Variants in ATG7 observed in about 807,000 individuals in gnomAD.
ATG7 encodes the protein ubiquitin-like modifier-activating enzyme ATG7.
In ATG7, 70 loss-of-function variants were observed where a neutral mutation model predicts 82.4. That is an observed-to-expected ratio of 0.85 (90% CI 0.70 to 1.04). The LOEUF is 1.04. Among genes scored for constraint, ATG7 ranks in the 50% least tolerant of loss-of-function variants. ATG7 has a pLI of 0.00. For synonymous variants in ATG7, 287 were observed against 313.0 expected, an observed-to-expected ratio of 0.92 and a Z score of 0.88; for missense variants, 792 against 864.3, an observed-to-expected ratio of 0.92 and a Z score of 1.05.
At chr3:11,508,963 G>A (rs1476098910) in intron 20 of ATG7, among the ~76,000 whole-genome samples, 1 of 152,230 alleles carries the variant, frequency 6.6e-6, no homozygotes, top group African/African-American at 2.4e-5. Context: ...CTATGTGCAA[G>A]AGAGCATAAG....
At chr3:11,558,817 G>A (rs755548711), downstream of ATG7, 23 of 1,610,814 alleles carry the variant, frequency 1.4e-5, no homozygotes, top group Non-Finnish European at 1.8e-5. Context: ...CGGGGTCACA[G>A]GTGGTGGCAG....
At chr3:11,285,519 T>C (rs187222844) in intron 3 of ATG7, among the ~76,000 whole-genome samples, 12 of 152,250 alleles carry the variant, frequency 7.9e-5, no homozygotes, top group Admixed American at 2.6e-4. Context: ...AGTGCACTGA[T>C]AGCAAATGTT....
intron 20 of ATG7, among the ~76,000 whole-genome samples, chr3:11,497,674 C>T (rs1046054467): frequency 2.6e-5 from 4 of 151,560 alleles, no homozygotes; most frequent in Admixed American, 1.3e-4. Context: ...CAAAGCAGAT[C>T]AGTTACTTAA....
chr3:11,408,716 CT>C (rs2080598945), intron 19 of ATG7, among the ~76,000 whole-genome samples: 1 of 152,186 alleles, frequency 6.6e-6, no homozygotes, highest in South Asian at 2.1e-4. Flanking sequence ...ACTGCCATAT[CT>C]TGTGTGACCC....
intron 20 of ATG7, among the ~76,000 whole-genome samples, chr3:11,436,334 A>T (rs1482197184): frequency 6.6e-6 from 1 of 152,214 alleles, no homozygotes; most frequent in East Asian, 1.9e-4. Flanking sequence ...GTTTATGAAG[A>T]TGTAGGGAAA....
intron 19 of ATG7, among the ~76,000 whole-genome samples, chr3:11,382,704 C>T (rs2078005221): frequency 1.3e-5 from 2 of 152,120 alleles, no homozygotes; most frequent in South Asian, 4.1e-4. Context: ...ATCAATATTC[C>T]TGAAAGAATT....
intron 19 of ATG7, among the ~76,000 whole-genome samples, chr3:11,399,527 A>T (rs1297020986): frequency 1.3e-5 from 2 of 152,062 alleles, no homozygotes. Flanking sequence ...GTTGTAATGT[A>T]GAAGTGGCCT....
At chr3:11,483,494 G>A (rs1051580617) in intron 20 of ATG7, among the ~76,000 whole-genome samples, 1 of 152,112 alleles carries the variant, frequency 6.6e-6, no homozygotes, top group Non-Finnish European at 1.5e-5. Context: ...ATTTGAAGAG[G>A]AGTAACCACT....
chr3:11,336,771 C>A (rs747520512), intron 11 of ATG7, among the ~76,000 whole-genome samples: 4 of 152,114 alleles, frequency 2.6e-5, no homozygotes, highest in Admixed American at 2.6e-4. Flanking sequence ...CTCCCAGGCT[C>A]AAACCATCCC....
At chr3:11,525,543 A>G (rs948536178) in intron 20 of ATG7, among the ~76,000 whole-genome samples, 5 of 139,402 alleles carry the variant, frequency 3.6e-5, no homozygotes, top group Admixed American at 2.2e-4. Flanking sequence ...CAACATTAAT[A>G]TCTAGTTATA....
chr3:11,359,098 A>G (rs960378212), intron 15 of ATG7, among the ~76,000 whole-genome samples: 33 of 152,298 alleles, frequency 2.2e-4, no homozygotes, highest in African/African-American at 6.5e-4. Flanking sequence ...TATACCAATT[A>G]TGTTTATATA....
chr3:11,370,947 A>G (rs2152829650), intron 18 of ATG7, among the ~76,000 whole-genome samples: 1 of 151,182 alleles, frequency 6.6e-6, no homozygotes, highest in South Asian at 2.1e-4. Flanking sequence ...AAAGAACAAA[A>G]TTCAGATTCC....
intron 11 of ATG7, among the ~76,000 whole-genome samples, chr3:11,336,302 A>G (rs1952473803): frequency 6.6e-6 from 1 of 151,836 alleles, no homozygotes. Flanking sequence ...CCAAGGTGCT[A>G]GGATTACAGG....
intron 20 of ATG7, among the ~76,000 whole-genome samples, chr3:11,552,572 C>T (rs578156927): frequency 1.1e-4 from 16 of 152,322 alleles, no homozygotes; most frequent in African/African-American, 3.8e-4. Flanking sequence ...AAGATGGCTG[C>T]TGCCCTCTGA....
chr3:11,393,914 C>T (rs1295930842), intron 19 of ATG7, among the ~76,000 whole-genome samples: 2 of 152,158 alleles, frequency 1.3e-5, no homozygotes, highest in Non-Finnish European at 2.9e-5. Context: ...CTCCTGAGCT[C>T]AAGCAGTCCT....
At chr3:11,360,994 C>T (rs1001421064) in intron 16 of ATG7, among the ~76,000 whole-genome samples, 11 of 152,158 alleles carry the variant, frequency 7.2e-5, no homozygotes, top group African/African-American at 9.7e-5. Context: ...CCAATATAAA[C>T]GCGGCTACAA....
intron 20 of ATG7, among the ~76,000 whole-genome samples, chr3:11,448,053 A>G (rs1308207105): frequency 1.3e-5 from 2 of 152,230 alleles, no homozygotes; most frequent in African/African-American, 2.4e-5. Context: ...AGTGAAAGTC[A>G]TGAAATTCCA....
At chr3:11,411,015 C>T (rs1040076201) in intron 19 of ATG7, among the ~76,000 whole-genome samples, 1 of 152,124 alleles carries the variant, frequency 6.6e-6, no homozygotes, top group South Asian at 2.1e-4. Flanking sequence ...AAGTAACTGC[C>T]ATGCTATTTT....
At chr3:11,391,855 A>C (rs1330819189) in intron 19 of ATG7, among the ~76,000 whole-genome samples, 1 of 151,870 alleles carries the variant, frequency 6.6e-6, no homozygotes, top group African/African-American at 2.4e-5. Flanking sequence ...AATTACATGA[A>C]AGTCCAGGAT....
Sources: gnomAD v4.1 joint callset for allele counts (sites outside exome capture counted in the v4.1 genomes callset) on GRCh38, gnomAD v4.1.1 for gene constraint, MANE v1.5 for transcripts, NCBI Gene and HGNC (gene_info 2026-07-23, HGNC 2026-07-21) for gene names.